Variants in RBFOX1 observed in about 807,000 individuals in gnomAD.
RBFOX1 encodes the protein RNA binding fox-1 homolog 1, also known as RNA binding protein fox-1 homolog 1.
A neutral mutation model predicts 57.7 loss-of-function variants in RBFOX1; 8 were observed. That is an observed-to-expected ratio of 0.14 (90% CI 0.08 to 0.25). The LOEUF (loss-of-function observed/expected upper bound fraction) is 0.25. RBFOX1 is among the 10% of genes least tolerant of loss of function. RBFOX1 has a pLI of 1.00. For missense variants in RBFOX1, 611 were observed against 548.5 expected (o/e 1.11, Z -1.14); for synonymous variants, 326 against 222.4 (o/e 1.47, Z -4.15).
intron 3 of RBFOX1, among the ~76,000 whole-genome samples, chr16:5,611,568 T>C (rs1315045834): frequency 6.6e-6 from 1 of 152,192 alleles, no homozygotes; most frequent in Non-Finnish European, 1.5e-5. Context: ...TTTCAACTGA[T>C]AAAAATGATC....
intron 2 of RBFOX1, among the ~76,000 whole-genome samples, chr16:6,614,272 T>C (rs1407420585): frequency 1.3e-5 from 2 of 152,154 alleles, no homozygotes; most frequent in Non-Finnish European, 2.9e-5. Flanking sequence ...AAACTAAAGA[T>C]AGAAAGAATC....
chr16:7,120,103 T>C (rs72763563), intron 4 of RBFOX1, among the ~76,000 whole-genome samples: 40,059 of 151,976 alleles, frequency 0.26, 6,085 homozygotes, highest in Admixed American at 0.37. Flanking sequence ...AAATCACCCA[T>C]AGTTCAAAGA....
chr16:7,163,446 A>C (rs1363499337), intron 4 of RBFOX1, among the ~76,000 whole-genome samples: 1 of 152,042 alleles, frequency 6.6e-6, no homozygotes, highest in Non-Finnish European at 1.5e-5. Context: ...TTTGCTTTGC[A>C]AGTGGGTGAC....
chr16:7,217,001 TCCCTCCCTTCCC>T, intron 4 of RBFOX1, among the ~76,000 whole-genome samples: 1 of 64,378 alleles, frequency 1.6e-5, no homozygotes, highest in African/African-American at 7.3e-5. Context: ...CCTTCCTCCC[TCCCTCCCTTCCC>T]TCCCTCCCTC....
At chr16:6,507,051 T>G (rs1265717915) in intron 2 of RBFOX1, among the ~76,000 whole-genome samples, 1 of 152,120 alleles carries the variant, frequency 6.6e-6, no homozygotes, top group East Asian at 1.9e-4. Flanking sequence ...ACGCTGTCCA[T>G]CTGTGAACAT....
At chr16:7,194,264 G>A (rs949457422) in intron 4 of RBFOX1, among the ~76,000 whole-genome samples, 4 of 152,168 alleles carry the variant, frequency 2.6e-5, no homozygotes, top group African/African-American at 9.7e-5. Context: ...ACTTGTGATT[G>A]CACTGTATTT....
At chr16:6,748,927 G>C (rs1165172745) in intron 3 of RBFOX1, 2 of 152,118 alleles carry the variant, frequency 1.3e-5, no homozygotes, top group Admixed American at 1.3e-4. Flanking sequence ...AGTTCTTTCA[G>C]AATTTGTCTA....
At chr16:6,016,451 G>C (rs2152343152), upstream of RBFOX1, among the ~76,000 whole-genome samples, 1 of 152,296 alleles carries the variant, frequency 6.6e-6, no homozygotes, top group African/African-American at 2.4e-5. Flanking sequence ...AACTTAAAAA[G>C]AGCCAGGAGC....
intron 2 of RBFOX1, among the ~76,000 whole-genome samples, chr16:6,535,380 G>T (rs992409226): frequency 6.6e-6 from 1 of 152,150 alleles, no homozygotes; most frequent in Non-Finnish European, 1.5e-5. Flanking sequence ...CATGGACGAA[G>T]ATTCACTAGA....
chr16:5,839,569 G>A (rs1215523223), intron 3 of RBFOX1, among the ~76,000 whole-genome samples: 1 of 152,158 alleles, frequency 6.6e-6, no homozygotes, highest in Non-Finnish European at 1.5e-5. Flanking sequence ...GGCCATCAGA[G>A]GCTTCTTAAT....
chr16:7,659,590 A>C lies in RBFOX1; in HGVS notation c.891-5339A>C, dbSNP rs181768942. Among the ~76,000 whole-genome samples, 17 of 152,302 alleles carry C rather than the reference A, an allele frequency of 1.1e-4. No individual in the cohort carries two copies. In the East Asian group the frequency reaches 2.9e-3, roughly 26 times the overall value. Reference sequence around the variant, plus strand: ...ACTAACTACAGCTGATGAGCAAAAAAAGAAAAAAGAAAAAAAAGAATCTCA... The same window carrying C: ...ACTAACTACAGCTGATGAGCAAAAACAGAAAAAAGAAAAAAAAGAATCTCA... On this transcript the variant is annotated intron_variant, in intron 12 of 15. Transcript: ENST00000550418.
intron 4 of RBFOX1, among the ~76,000 whole-genome samples, chr16:7,131,801 A>C (rs1250469757): frequency 6.6e-6 from 1 of 152,042 alleles, no homozygotes; most frequent in Admixed American, 6.6e-5. Context: ...AGTCCTGTGA[A>C]TATTGGGATA....
intron 3 of RBFOX1, among the ~76,000 whole-genome samples, chr16:5,754,003 A>C (rs2053308661): frequency 6.6e-6 from 1 of 152,160 alleles, no homozygotes; most frequent in Non-Finnish European, 1.5e-5. Context: ...TCATTTTTCT[A>C]ATCTAACTCA....
At chr16:6,129,173 T>G (rs2096611646) in intron 1 of RBFOX1, among the ~76,000 whole-genome samples, 1 of 152,066 alleles carries the variant, frequency 6.6e-6, no homozygotes, top group Admixed American at 6.6e-5. Context: ...AGATACAAAA[T>G]AAAGCAAACA....
chr16:7,536,471 G>T (rs1347442974), intron 5 of RBFOX1, among the ~76,000 whole-genome samples: 2 of 152,174 alleles, frequency 1.3e-5, no homozygotes, highest in Non-Finnish European at 2.9e-5. Context: ...CTGCACACCT[G>T]TAATCTCAGC....
intron 4 of RBFOX1, among the ~76,000 whole-genome samples, chr16:5,890,646 G>A (rs527902004): frequency 3.1e-4 from 45 of 144,420 alleles, no homozygotes; most frequent in African/African-American, 1.1e-3. Flanking sequence ...GCAGTGAGCC[G>A]AGATCATACC....
chr16:7,014,246 T>C (rs976798962), intron 3 of RBFOX1, among the ~76,000 whole-genome samples: 138 of 152,254 alleles, frequency 9.1e-4, no homozygotes, highest in African/African-American at 3.3e-3. Flanking sequence ...AGTCTCGCTC[T>C]GTCGCCCAGG....
chr16:6,115,885 A>G (rs1044325586), intron 1 of RBFOX1, among the ~76,000 whole-genome samples: 1 of 152,202 alleles, frequency 6.6e-6, no homozygotes, highest in Admixed American at 6.5e-5. Flanking sequence ...GGAATAGGAA[A>G]GTAATACTAT....
chr16:6,229,535 C>T (rs547019928), intron 1 of RBFOX1, among the ~76,000 whole-genome samples: 4 of 152,018 alleles, frequency 2.6e-5, no homozygotes, highest in South Asian at 2.1e-4. Context: ...TTTTTTGAGC[C>T]GCTCATAAAA....
Sources: gnomAD v4.1 joint callset for allele counts (sites outside exome capture counted in the v4.1 genomes callset) on GRCh38, gnomAD v4.1.1 for gene constraint, MANE v1.5 for transcripts, NCBI Gene and HGNC (gene_info 2026-07-23, HGNC 2026-07-21) for gene names.